PPM1H: variants seen among roughly 807,000 people sequenced by gnomAD.
PPM1H encodes protein phosphatase 1H.
PPM1H carries 27 observed loss-of-function variants against 54.9 expected under a neutral mutation model. That is an observed-to-expected ratio of 0.49 (90% CI 0.36 to 0.68). The LOEUF is 0.68. PPM1H is among the 30% of genes least tolerant of loss of function. The probability of loss-of-function intolerance (pLI) is 0.00; values close to 1 mark genes in which losing one functional copy is unlikely to be tolerated. For missense variants in PPM1H, 596 were observed against 667.8 expected, an observed-to-expected ratio of 0.89 and a Z score of 1.19; for synonymous variants, 305 against 270.8, an observed-to-expected ratio of 1.13 and a Z score of -1.24.
chr12:62,675,074 T>C (rs2075978175), intron 8 of PPM1H, among the ~76,000 whole-genome samples: 1 of 152,226 alleles, frequency 6.6e-6, no homozygotes, highest in Admixed American at 6.5e-5. Context: ...GTTAGAAATA[T>C]GTTGGCTGCT....
chr12:62,679,693 G>T (rs1335427297), intron 8 of PPM1H, among the ~76,000 whole-genome samples: 1 of 152,158 alleles, frequency 6.6e-6, no homozygotes, highest in Non-Finnish European at 1.5e-5. Flanking sequence ...TTACATAAAT[G>T]TTTCCTGATT....
chr12:62,783,182 G>A (rs2076651890), intron 4 of PPM1H, among the ~76,000 whole-genome samples: 1 of 152,154 alleles, frequency 6.6e-6, no homozygotes, highest in Non-Finnish European at 1.5e-5. Flanking sequence ...CTTGGAAGGA[G>A]ATGGGAGCTC....
rs1236257671 is a variant in PPM1H at position 62,729,009 on chromosome 12, T to C, written c.954+8493A>G. 5.9e-5 allele frequency among the ~76,000 whole-genome samples: 9 copies of C among 152,302 alleles called. No individual in the cohort carries two copies. In the East Asian group the frequency reaches 1.7e-3, roughly 29 times the overall value. On this transcript the variant is annotated intron_variant, in intron 5 of 9. Transcript: ENST00000228705. ...GTAGTGTCAGCCAAGAAGGAGACTG[T>C]CCCAGGGCTTGGGGTATCCAGACAA...
chr12:62,797,574 T>G (rs1226226923), intron 3 of PPM1H, among the ~76,000 whole-genome samples: 1 of 152,192 alleles, frequency 6.6e-6, no homozygotes, highest in Non-Finnish European at 1.5e-5. Context: ...GTCCTCGGGT[T>G]GCCTGGCACA....
chr12:62,788,543 AACCAGAGACAGG>A, intron 3 of PPM1H: 1 of 451,502 alleles, frequency 2.2e-6, no homozygotes, highest in Non-Finnish European at 3.9e-6. Flanking sequence ...ACCATCTGTG[AACCAGAGACAGG>A]AAACAATAGA....
At chr12:62,651,799 T>A (rs1278726336) in intron 9 of PPM1H, among the ~76,000 whole-genome samples, 1 of 152,218 alleles carries the variant, frequency 6.6e-6, no homozygotes, top group Non-Finnish European at 1.5e-5. Context: ...TAAAGCTTGA[T>A]CCAAGGGTGG....
At chr12:62,755,461 C>T (rs140726000) in intron 4 of PPM1H, 418 of 683,516 alleles carry the variant, frequency 6.1e-4, no homozygotes, top group Admixed American at 1.1e-3. Flanking sequence ...CTTCCAGGAG[C>T]GAGATCCCTC....
intron 3 of PPM1H, among the ~76,000 whole-genome samples, chr12:62,790,314 C>T (rs577213415): frequency 1.2e-4 from 18 of 152,312 alleles, no homozygotes; most frequent in Middle Eastern, 3.4e-3. Flanking sequence ...CGGTGGCTAA[C>T]GCCTGTAATT....
chr12:62,867,850 T>C (rs1337264148), intron 1 of PPM1H, among the ~76,000 whole-genome samples: 1 of 152,104 alleles, frequency 6.6e-6, no homozygotes, highest in Non-Finnish European at 1.5e-5. Flanking sequence ...AATGTTCTTT[T>C]GGAATTTGCT....
chr12:62,872,009 T>C (rs763750284), intron 1 of PPM1H, among the ~76,000 whole-genome samples: 8 of 152,228 alleles, frequency 5.3e-5, no homozygotes, highest in Non-Finnish European at 1.0e-4. Flanking sequence ...TTTTGAAACC[T>C]GGATCTATGA....
chr12:62,667,086 C>T (rs575816027), intron 9 of PPM1H, 92 bp downstream of exon 9: 3 of 1,392,098 alleles, frequency 2.2e-6, no homozygotes, highest in African/African-American at 1.4e-5. Context: ...GCCTCTAAGT[C>T]ATGAATTATG....
intron 5 of PPM1H, among the ~76,000 whole-genome samples, chr12:62,722,290 A>G (rs1467656260): frequency 6.6e-6 from 1 of 152,246 alleles, no homozygotes; most frequent in Admixed American, 6.5e-5. Flanking sequence ...AAGCTGGACT[A>G]ACATGGGCTT....
rs71086626 is a variant in PPM1H, at chr12:62,683,033, TTTATTATTATTATTATTATTATTA to T, written c.1245+6642_1245+6665del. The stretch of plus-strand genomic sequence containing the variant: ...ATACTACATTTGGGAGAGTTTATTA[TTTATTATTATTATTATTATTATTA>T]TTATTATTATTATTATTATTATTAT... On this transcript the variant is annotated intron_variant, in intron 8 of 9. Coordinates refer to ENST00000228705, the MANE Select transcript of PPM1H (RefSeq NM_020700.2). Among the ~76,000 whole-genome samples, 703 of 133,666 alleles carry T rather than the reference TTTATTATTATTATTATTATTATTA, an allele frequency of 5.3e-3. 1 individual carries two copies. The highest frequency in any genetic ancestry group is 0.01 in the East Asian group (50 of 4,778). 87.7% of individuals were successfully genotyped at this position (133,666 alleles called of 152,430 possible).
intron 9 of PPM1H, among the ~76,000 whole-genome samples, chr12:62,657,960 A>G (rs1332448438): frequency 1.3e-5 from 2 of 151,174 alleles, no homozygotes; most frequent in Non-Finnish European, 2.9e-5. Context: ...GGTTTATGGT[A>G]TACTGGTTCT....
chr12:62,855,043 T>A (rs965916644), intron 1 of PPM1H, among the ~76,000 whole-genome samples: 1 of 151,734 alleles, frequency 6.6e-6, no homozygotes, highest in Non-Finnish European at 1.5e-5. Context: ...CACAGGAGAG[T>A]CAGCAAAAGC....
intron 1 of PPM1H, among the ~76,000 whole-genome samples, chr12:62,914,583 G>GA (rs1348823964): frequency 2.0e-5 from 3 of 152,198 alleles, no homozygotes; most frequent in Non-Finnish European, 4.4e-5. Flanking sequence ...AGGACGCTAG[G>GA]ACAACAAATG....
rs531128071 is a variant in PPM1H, at chr12:62,672,706, A to T, written c.1246-5377T>A. Among the ~76,000 whole-genome samples, 4 of 152,336 alleles carry T rather than the reference A, an allele frequency of 2.6e-5. No individual in the cohort carries two copies. The East Asian group carries it at 7.7e-4, about 29-fold the overall frequency. On this transcript the variant is annotated intron_variant, in intron 8 of 9. Transcript: ENST00000228705. ...AACAGAGCACTGTGCCTAGCACTCA[A>T]TTCACAACCGAAGAAAGCATTTCCT...
At chr12:62,737,149 T>TAG (rs957029544) in intron 5 of PPM1H, among the ~76,000 whole-genome samples, 3 of 148,542 alleles carry the variant, frequency 2.0e-5, no homozygotes, top group African/African-American at 7.5e-5. Flanking sequence ...TTAAAGTGAG[T>TAG]AGCGGGCCAT....
intron 5 of PPM1H, among the ~76,000 whole-genome samples, chr12:62,732,886 T>C (rs1197560942): frequency 6.6e-6 from 1 of 152,206 alleles, no homozygotes; most frequent in East Asian, 1.9e-4. Flanking sequence ...ACACTGTTAA[T>C]TTTTCAGTGA....
Sources: gnomAD v4.1 joint callset for allele counts (sites outside exome capture counted in the v4.1 genomes callset) on GRCh38, gnomAD v4.1.1 for gene constraint, MANE v1.5 for transcripts, NCBI Gene and HGNC (gene_info 2026-07-23, HGNC 2026-07-21) for gene names.